The following PCDHGB2 variants were observed in gnomAD, a reference collection of about 807,000 sequenced individuals.
The protein encoded by PCDHGB2 is protocadherin gamma-B2.
A neutral mutation model predicts 59.3 loss-of-function variants in PCDHGB2; 55 were observed. That is an observed-to-expected ratio of 0.93 (90% CI 0.75 to 1.16). The LOEUF (loss-of-function observed/expected upper bound fraction) is 1.16, where lower values mean the gene tolerates loss of function less well. Among genes scored for constraint, PCDHGB2 ranks in the 50% most tolerant of loss-of-function variants. The probability of loss-of-function intolerance (pLI) is 0.00; values close to 1 mark genes in which losing one functional copy is unlikely to be tolerated. For synonymous variants in PCDHGB2, 516 were observed against 512.0 expected (o/e 1.01, Z -0.11); for missense variants, 1,228 against 1,198.5 (o/e 1.02, Z -0.36).
At chr5:141,415,264 C>G (rs1342050986) in intron 1 of PCDHGB2, 2 of 1,614,210 alleles carry the variant, frequency 1.2e-6, no homozygotes, top group Non-Finnish European at 1.7e-6. Flanking sequence ...CACTCTGTAC[C>G]TGGTGGTAGC....
chr5:141,449,900 A>G (rs2098658617), intron 1 of PCDHGB2, among the ~76,000 whole-genome samples: 2 of 151,878 alleles, frequency 1.3e-5, no homozygotes, highest in South Asian at 2.1e-4. Context: ...TATTTAGCCT[A>G]TAGTCCATAT....
At position 141,362,191 on chromosome 5, in the gene PCDHGB2, G is replaced by A. The variant is rs780393919; in HGVS notation, c.2056G>A (p.Ala686Thr). The change falls in exon 1 of 4, where the codon GCA becomes ACA. Residue 686 changes from alanine to threonine, a missense_variant. Ala to Thr is a moderately conservative substitution (Grantham distance 58). Coordinates refer to ENST00000522605, the MANE Select transcript of PCDHGB2 (RefSeq NM_018923.3). ...CCGCCGGGAGCCCTCTGACCCCCAG[G>A]CAAAACTGCAGTTTTACCTGGTTGT... ...SDRREPSDPQAKLQFYLVVAL... is the reference protein window; with the variant it reads ...SDRREPSDPQTKLQFYLVVAL... The A allele has an allele frequency of 3.3e-5, 53 of 1,613,882 alleles. No individual in the cohort carries two copies. The highest frequency in any genetic ancestry group is 1.6e-4 in the Middle Eastern group (1 of 6,084).
At chr5:141,405,002 C>G in intron 1 of PCDHGB2, 2 of 1,613,988 alleles carry the variant, frequency 1.2e-6, no homozygotes, top group Non-Finnish European at 1.7e-6. Context: ...CCCTGCAGAC[C>G]TGGAGGCCTC....
At chr5:141,374,838 C>G (rs772961429) in intron 1 of PCDHGB2, 7 of 1,613,846 alleles carry the variant, frequency 4.3e-6, no homozygotes, top group Non-Finnish European at 5.9e-6. Context: ...GTAAGTGTTC[C>G]TGAAAACCTG....
chr5:141,496,554 G>T (rs2099769470), intron 2 of PCDHGB2, among the ~76,000 whole-genome samples: 1 of 152,160 alleles, frequency 6.6e-6, no homozygotes, highest in Non-Finnish European at 1.5e-5. Context: ...TTCTGGGCAT[G>T]CACAGTCCTG....
chr5:141,475,715 C>A (rs989484033), intron 1 of PCDHGB2, among the ~76,000 whole-genome samples: 3 of 152,366 alleles, frequency 2.0e-5, no homozygotes, highest in South Asian at 4.1e-4. Context: ...AGCCTCACAG[C>A]CCCAAGGCTG....
Position 141,360,167 on chromosome 5 carries a change from T to C in PCDHGB2, c.32T>C (p.Val11Ala). The change falls in exon 1 of 4, where the codon GTG becomes GCG. Residue 11 changes from valine to alanine, a missense_variant. Coordinates refer to ENST00000522605, the MANE Select transcript of PCDHGB2 (RefSeq NM_018923.3). MKASSGRCGL[V>A]RWLQVLLPFL... ...GCGAGCTCAGGGAGGTGCGGGCTGG[T>C]GCGGTGGCTGCAGGTACTGTTGCCC... 6.2e-7 allele frequency: 1 copy of C among 1,607,632 alleles called. No homozygotes were observed. The highest frequency in any genetic ancestry group is 2.2e-5 in the East Asian group (1 of 44,646).
At chr5:141,495,153 T>G (rs2154591630) in intron 2 of PCDHGB2, among the ~76,000 whole-genome samples, 1 of 152,290 alleles carries the variant, frequency 6.6e-6, no homozygotes, top group East Asian at 1.9e-4. Flanking sequence ...AGGATGGTCT[T>G]AAGCTGGTCT....
intron 1 of PCDHGB2, chr5:141,388,516 C>T (rs755004350): frequency 4.3e-6 from 7 of 1,613,864 alleles, no homozygotes; most frequent in South Asian, 3.3e-5. Context: ...TACCACTTGA[C>T]TTTGACTGCC....
intron 1 of PCDHGB2, chr5:141,371,114 A>G: frequency 6.2e-7 from 1 of 1,613,878 alleles, no homozygotes; most frequent in Non-Finnish European, 8.5e-7. Flanking sequence ...ATAACCCCCC[A>G]GTATTTACTC....
rs1761388833 is a variant in PCDHGB2, at chr5:141,360,004, CA to C, written c.-130del. The C allele has an allele frequency of 8.4e-7, 1 of 1,185,444 alleles. No homozygotes were observed. Among genetic ancestry groups the C allele is most frequent in the African/African-American group, 1.5e-5 (1 of 64,944 alleles). 73.4% of individuals were successfully genotyped at this position (1,185,444 alleles called of 1,614,324 possible). ...TTAGAGGGGAACTTCCTGCACAAAC[CA>C]ACCACACAGAGAAGGCCAGTATAGA... On this transcript the variant is annotated 5_prime_UTR_variant, in exon 1 of 4. Transcript: ENST00000522605.
At chr5:141,412,204 T>G (rs2095542280) in intron 1 of PCDHGB2, 1 of 152,240 alleles carries the variant, frequency 6.6e-6, no homozygotes, top group Admixed American at 6.5e-5. Context: ...ACAGGTCATT[T>G]GACATAAACA....
At chr5:141,434,223 A>G (rs1164673241) in intron 1 of PCDHGB2, among the ~76,000 whole-genome samples, 1 of 152,214 alleles carries the variant, frequency 6.6e-6, no homozygotes, top group Non-Finnish European at 1.5e-5. Context: ...TAAACAAAGT[A>G]CGATTTCTGG....
In PCDHGB2 at chr5:141,361,747, G is replaced by A. The variant is rs960340216; in HGVS notation, c.1612G>A (p.Gly538Ser). 35 of 1,612,978 alleles carry A rather than the reference G, an allele frequency of 2.2e-5. No homozygotes were observed. In the African/African-American group the frequency reaches 4.7e-4, roughly 22 times the overall value. ...FELTLQARDQ[G>S]SPALSANVSL... ...GCTCACACTGCAGGCCCGCGACCAG[G>A]GCTCGCCCGCGCTCAGCGCCAACGT... Residue 538 changes from glycine (G) to serine (S), a missense_variant, in exon 1 of 4, where the codon GGC becomes AGC. By Grantham distance (56) the Gly-to-Ser change is moderately conservative. Around this residue, in one of 3 missense-constraint regions of PCDHGB2, gnomAD observed 781 missense variants for 721.6 expected, o/e 1.08. Transcript: ENST00000522605.
Position 141,375,974 on chromosome 5 carries a change from G to A in PCDHGB2, c.2421+13418G>A, listed in dbSNP as rs181747779. Reference sequence around the variant, plus strand: ...CACGGGCGAGGTGCGCACGGCGCGCGCCCTGCTGGACAGAGACGCGCTCAA... The same window carrying A: ...CACGGGCGAGGTGCGCACGGCGCGCACCCTGCTGGACAGAGACGCGCTCAA... On this transcript the variant is annotated intron_variant, in intron 1 of 3. Transcript: ENST00000522605. 26 of 1,613,354 alleles carry A rather than the reference G, an allele frequency of 1.6e-5. No individual in the cohort carries two copies. The South Asian group carries it at 2.0e-4, about 12-fold the overall frequency.
chr5:141,476,459 C>T lies in PCDHGB2; in HGVS notation c.2422-18348C>T. On this transcript the variant is annotated intron_variant, in intron 1 of 3. Coordinates refer to ENST00000522605, the MANE Select transcript of PCDHGB2 (RefSeq NM_018923.3). The surrounding 1 kb of genome is among the most constrained non-coding windows in gnomAD (Gnocchi z 7.6). ...AACTCTGGAGTTGGTAGTGGAGAACCCGCTGGAGCTGTTCAGCGTGGAAGT... is the reference window on the plus strand; with the variant it reads ...AACTCTGGAGTTGGTAGTGGAGAACTCGCTGGAGCTGTTCAGCGTGGAAGT... 6.2e-7 allele frequency: 1 copy of T among 1,614,048 alleles called. No individual in the cohort carries two copies. Among genetic ancestry groups the T allele is most frequent in the Non-Finnish European group, 8.5e-7 (1 of 1,180,006 alleles).
Position 141,399,994 on chromosome 5 carries a change from C to T in PCDHGB2, c.2421+37438C>T, listed in dbSNP as rs538358679. 27 of 1,612,262 alleles carry T rather than the reference C, an allele frequency of 1.7e-5. No individual in the cohort carries two copies. The East Asian group carries it at 1.8e-4, about 11-fold the overall frequency. On this transcript the variant is annotated intron_variant, in intron 1 of 3. Coordinates refer to ENST00000522605, the MANE Select transcript of PCDHGB2 (RefSeq NM_018923.3). ...CCTGGGGCTGCGCACAGGAGAGGTG[C>T]GCACAGCGCGTGCCTTGGGCGACAG...
chr5:141,431,288 C>T lies in PCDHGB2; in HGVS notation c.2422-63519C>T, dbSNP rs2097358193. ...GAGCTACGAGCTCAGCCCGAACACT[C>T]ACTTCTCCCTCATCGTGCAAAATGG... On this transcript the variant is annotated intron_variant, in intron 1 of 3. Transcript: ENST00000522605. This position sits in a 1 kb window ranked among gnomAD's most constrained non-coding sequence, Gnocchi z 4.8. 1 of 1,614,152 alleles carries T rather than the reference C, an allele frequency of 6.2e-7. No individual in the cohort carries two copies. Among genetic ancestry groups the T allele is most frequent in the East Asian group, 2.2e-5 (1 of 44,890 alleles).
chr5:141,479,806 G>A (rs1188862048), intron 1 of PCDHGB2, among the ~76,000 whole-genome samples: 1 of 152,182 alleles, frequency 6.6e-6, no homozygotes, highest in Non-Finnish European at 1.5e-5. Context: ...AGGGTGGTAT[G>A]CAAGGATACT....
Sources: allele counts gnomAD v4.1 joint callset (sites outside exome capture counted in the v4.1 genomes callset), GRCh38; gene constraint gnomAD v4.1.1; regional missense constraint gnomAD v4.1.1; non-coding constraint Gnocchi (gnomAD v3.1); transcripts MANE v1.5; gene names NCBI Gene and HGNC (gene_info 2026-07-23, HGNC 2026-07-21).